CTTNBP2: variants seen among roughly 807,000 people sequenced by gnomAD.
CTTNBP2 encodes cortactin-binding protein 2.
A neutral mutation model predicts 156.9 loss-of-function variants in CTTNBP2; 108 were observed. The observed-to-expected ratio is 0.69, with a 90% confidence interval of 0.59 to 0.81. The LOEUF (loss-of-function observed/expected upper bound fraction) is 0.81. Ranked by LOEUF, CTTNBP2 falls within the 30% of genes least tolerant of loss-of-function variation. The pLI, the probability that CTTNBP2 is intolerant of heterozygous loss-of-function variation, is 0.00. For synonymous variants in CTTNBP2, 767 were observed against 751.8 expected (o/e 1.02, Z -0.33); for missense variants, 1,924 against 2,035.4 (o/e 0.95, Z 1.05).
At chr7:117,819,439 G>A (rs1800822388) in intron 2 of CTTNBP2, among the ~76,000 whole-genome samples, 1 of 150,742 alleles carries the variant, frequency 6.6e-6, no homozygotes, top group African/African-American at 2.4e-5. Flanking sequence ...ACTGCAGAGT[G>A]GAATAGCAAT....
At position 117,769,075 on chromosome 7, in the gene CTTNBP2, G is replaced by C. The variant is rs150059500; in HGVS notation, c.2779-1899C>G. On this transcript the variant is annotated intron_variant, in intron 8 of 22. Transcript: ENST00000160373. ...TAGCAGAGCTGGACTGCTGTGCACA[G>C]AGCATGAACATGTTCTACGTTAGTC... Among the ~76,000 whole-genome samples the C allele has an allele frequency of 1.7e-3, 263 of 152,320 alleles. 1 individual carries two copies. The highest frequency in any genetic ancestry group is 6.1e-3 in the African/African-American group (254 of 41,566).
At position 117,767,050 on chromosome 7, in the gene CTTNBP2, A is replaced by ATCAC; in HGVS notation, c.2896+5_2896+8dup. 7.1e-7 allele frequency: 1 copy of ATCAC among 1,404,492 alleles called. No homozygotes were observed. Among genetic ancestry groups the ATCAC allele is most frequent in the Non-Finnish European group, 1.0e-6 (1 of 988,442 alleles). The allele number at this position is 1,404,492 out of a possible 1,614,324, so 87.0% of individuals were successfully genotyped here. A position where few individuals can be genotyped will look rare whatever the true frequency, so the allele number is the denominator to read the frequency against. ...GAAAGATAAACAATAAGCTCTGAACATCACTCACTCAGATTCTCCAGCAAA... is the reference window on the plus strand; with the variant it reads ...GAAAGATAAACAATAAGCTCTGAACATCACTCACTCACTCAGATTCTCCAGCAAA... On this transcript the variant is annotated intron_variant, in intron 9 of 22. Transcript: ENST00000160373.
rs118172707 is a variant in CTTNBP2 at position 117,788,715 on chromosome 7, G to A, written c.2068+2413C>T. Among the ~76,000 whole-genome samples the A allele has an allele frequency of 5.4e-3, 827 of 152,204 alleles. 5 individuals are homozygous for A. Among genetic ancestry groups the A allele is most frequent in the Middle Eastern group, 0.014 (4 of 294 alleles). On this transcript the variant is annotated intron_variant, in intron 4 of 22. Transcript: ENST00000160373. ...ACATTTATACTTGAGTTGTAGAGTC[G>A]TACACCCCCATTGTGTAAGTGTAAT...
At chr7:117,829,983 T>C (rs573719074) in intron 2 of CTTNBP2, among the ~76,000 whole-genome samples, 4 of 152,300 alleles carry the variant, frequency 2.6e-5, no homozygotes, top group African/African-American at 9.6e-5. Flanking sequence ...AGATAACATG[T>C]ACTTGAGAAT....
At position 117,861,389 on chromosome 7, in the gene CTTNBP2, A is replaced by C. The variant is rs912018173; in HGVS notation, c.82-73T>G. ...AGACACACACATCCTAAGGGTATGC[A>C]ATGAATCAGTTTTATCCCAGTGGCT... On this transcript the variant is annotated intron_variant, in intron 1 of 22. Transcript: ENST00000160373. 4 of 1,053,728 alleles carry C rather than the reference A, an allele frequency of 3.8e-6. No homozygotes were observed. The African/African-American group carries it at 4.7e-5, about 12-fold the overall frequency. The allele number at this position is 1,053,728 out of a possible 1,614,324, so 65.3% of individuals were successfully genotyped here.
chr7:117,727,038 CT>C (rs1795130326), intron 17 of CTTNBP2, among the ~76,000 whole-genome samples: 1 of 152,092 alleles, frequency 6.6e-6, no homozygotes, highest in African/African-American at 2.4e-5. Context: ...GTAAAAAAGA[CT>C]TTAATTTAAC....
chr7:117,729,001 G>A (rs886909361), intron 16 of CTTNBP2, among the ~76,000 whole-genome samples: 2 of 152,228 alleles, frequency 1.3e-5, no homozygotes, highest in Non-Finnish European at 2.9e-5. Context: ...GCTGACAGAG[G>A]GACAGGGATC....
At chr7:117,842,408 G>T (rs1802331670) in intron 2 of CTTNBP2, among the ~76,000 whole-genome samples, 1 of 151,970 alleles carries the variant, frequency 6.6e-6, no homozygotes, top group African/African-American at 2.4e-5. Context: ...TCACCATGTT[G>T]GCCAGGCCGG....
intron 4 of CTTNBP2, chr7:117,786,469 A>C: frequency 2.3e-6 from 1 of 429,746 alleles, no homozygotes; most frequent in Non-Finnish European, 4.6e-6. Context: ...CACAAAAATT[A>C]AATCAGTACT....
intron 12 of CTTNBP2, among the ~76,000 whole-genome samples, chr7:117,754,411 C>G (rs898679107): frequency 6.6e-6 from 1 of 152,104 alleles, no homozygotes; most frequent in Non-Finnish European, 1.5e-5. Context: ...CCTTCTTTAC[C>G]ACTAGAAGGT....
At chr7:117,862,802 C>T (rs533747402) in intron 1 of CTTNBP2, among the ~76,000 whole-genome samples, 5 of 152,312 alleles carry the variant, frequency 3.3e-5, no homozygotes, top group African/African-American at 9.6e-5. Context: ...CTAATTTACA[C>T]CATATTGCCA....
chr7:117,845,543 T>C (rs1802532843), intron 2 of CTTNBP2, among the ~76,000 whole-genome samples: 1 of 152,226 alleles, frequency 6.6e-6, no homozygotes, highest in South Asian at 2.1e-4. Flanking sequence ...AGCACAACTA[T>C]TAAAATATCT....
chr7:117,802,437 C>CAAAAAAAAAAAAAAAAAAAAA (rs759797673), intron 3 of CTTNBP2, among the ~76,000 whole-genome samples: 1 of 83,766 alleles, frequency 1.2e-5, no homozygotes, highest in Non-Finnish European at 2.9e-5. Flanking sequence ...TCAGCATTGG[C>CAAAAAAAAAAAAAAAAAAAAA]AAAAAAAAAA....
Position 117,791,280 on chromosome 7 carries a change from C to T in CTTNBP2, c.1916G>A (p.Trp639Ter). ...GTTCAGTCCGGGGGTTGCAGCAGGCCAGGCACCCACCTGAGACGTGGCCAG... is the reference window on the plus strand; with the variant it reads ...GTTCAGTCCGGGGGTTGCAGCAGGCTAGGCACCCACCTGAGACGTGGCCAG... ...SALATSQVGA[W>*]PAATPGLNQP... The change falls in exon 4 of 23, where the codon TGG becomes TAG. Residue 639 changes from tryptophan (W) to a stop codon, truncating the protein, a stop_gained. Transcript: ENST00000160373. LOFTEE classifies it high-confidence loss of function. 1 of 1,614,140 alleles carries T rather than the reference C, an allele frequency of 6.2e-7. No individual in the cohort carries two copies. The highest frequency in any genetic ancestry group is 8.5e-7 in the Non-Finnish European group (1 of 1,180,026).
intron 3 of CTTNBP2, among the ~76,000 whole-genome samples, chr7:117,796,503 T>C (rs1214276292): frequency 6.6e-6 from 1 of 152,210 alleles, no homozygotes; most frequent in Non-Finnish European, 1.5e-5. Context: ...GAATAAGAGA[T>C]GTAGTACTAA....
chr7:117,724,941 T>C (rs1303854208), intron 18 of CTTNBP2, 111 bp downstream of exon 18: 3 of 1,117,184 alleles, frequency 2.7e-6, no homozygotes, highest in Non-Finnish European at 3.9e-6. Context: ...AACACTGCTA[T>C]AAGATGTATA....
chr7:117,772,446 G>C (rs1797847302), intron 8 of CTTNBP2, among the ~76,000 whole-genome samples: 2 of 152,168 alleles, frequency 1.3e-5, no homozygotes, highest in African/African-American at 4.8e-5. Context: ...GCAGCAGATT[G>C]GCCAAGAAGC....
chr7:117,747,077 A>C (rs1301678636), intron 12 of CTTNBP2, among the ~76,000 whole-genome samples: 4 of 152,194 alleles, frequency 2.6e-5, no homozygotes, highest in Non-Finnish European at 5.9e-5. Flanking sequence ...AGCTTTCTTA[A>C]TGGAAAGCTG....
chr7:117,860,329 T>C (rs549230804), intron 2 of CTTNBP2, among the ~76,000 whole-genome samples: 12 of 152,190 alleles, frequency 7.9e-5, no homozygotes, highest in South Asian at 2.1e-4. Flanking sequence ...TCTTGATGTA[T>C]TGTTTTTTCT....
Sources: gnomAD v4.1 joint callset for allele counts (sites outside exome capture counted in the v4.1 genomes callset) on GRCh38, gnomAD v4.1.1 for gene constraint, MANE v1.5 for transcripts, NCBI Gene and HGNC (gene_info 2026-07-23, HGNC 2026-07-21) for gene names.